SLC44A5: variants seen among roughly 807,000 people sequenced by gnomAD.
SLC44A5 encodes the protein solute carrier family 44 member 5.
SLC44A5 carries 57 observed loss-of-function variants against 101.8 expected under a neutral mutation model. That is an observed-to-expected ratio of 0.56 (90% CI 0.45 to 0.70). The LOEUF is 0.70. Ranked by LOEUF, SLC44A5 falls within the 30% of genes least tolerant of loss-of-function variation. SLC44A5 has a pLI of 0.00. For synonymous variants in SLC44A5, 281 were observed against 290.9 expected (o/e 0.97, Z 0.35); for missense variants, 737 against 853.1 (o/e 0.86, Z 1.70).
intron 4 of SLC44A5, among the ~76,000 whole-genome samples, chr1:75,334,548 G>C (rs765031841): frequency 6.6e-6 from 1 of 152,120 alleles, no homozygotes; most frequent in Non-Finnish European, 1.5e-5. Flanking sequence ...CAAGAATCTA[G>C]CACTATTGTG....
At chr1:75,309,280 T>C (rs1557648080) in intron 4 of SLC44A5, among the ~76,000 whole-genome samples, 1 of 152,262 alleles carries the variant, frequency 6.6e-6, no homozygotes, top group South Asian at 2.1e-4. Context: ...CTGGTCTCCA[T>C]AAAACATTTT....
At chr1:75,454,672 G>C (rs1239373538) in intron 2 of SLC44A5, among the ~76,000 whole-genome samples, 1 of 152,042 alleles carries the variant, frequency 6.6e-6, no homozygotes, top group African/African-American at 2.4e-5. Flanking sequence ...TCCTAGACCT[G>C]ATAAACAACT....
the SLC44A5 span, among the ~76,000 whole-genome samples, chr1:75,627,483 A>G: frequency 9.2e-5 from 14 of 152,184 alleles, no homozygotes; most frequent in African/African-American, 3.1e-4. Flanking sequence ...TTCAAGACCC[A>G]GCCTAGGCAA....
intron 5 of SLC44A5, among the ~76,000 whole-genome samples, chr1:75,280,112 TTGTG>T (rs71651208): frequency 1.5e-4 from 4 of 26,856 alleles, no homozygotes; most frequent in East Asian, 2.6e-3. Flanking sequence ...TAGTATTCCA[TTGTG>T]TGTGTGTGTG....
At chr1:75,611,365 A>G (rs547821128), upstream of SLC44A5, among the ~76,000 whole-genome samples, 1 of 152,280 alleles carries the variant, frequency 6.6e-6, no homozygotes, top group East Asian at 1.9e-4. Flanking sequence ...ATAATCTACT[A>G]TTATTTGTGT....
the SLC44A5 span, among the ~76,000 whole-genome samples, chr1:75,636,756 C>G: frequency 6.6e-6 from 1 of 151,980 alleles, no homozygotes; most frequent in Non-Finnish European, 1.5e-5. Flanking sequence ...AATGCTTTGA[C>G]AGTTTATGAG....
the SLC44A5 span, among the ~76,000 whole-genome samples, chr1:75,621,301 TG>T: frequency 1.3e-5 from 2 of 152,326 alleles, no homozygotes; most frequent in East Asian, 3.9e-4. Flanking sequence ...ATTAGTTACA[TG>T]TCGTATAATC....
chr1:75,241,518 C>T (rs1228680059), intron 9 of SLC44A5, among the ~76,000 whole-genome samples: 1 of 151,972 alleles, frequency 6.6e-6, no homozygotes, highest in Non-Finnish European at 1.5e-5. Flanking sequence ...CTATGCCTGG[C>T]CTCATTTTGT....
At chr1:75,310,302 TCCA>T (rs530852210) in intron 4 of SLC44A5, among the ~76,000 whole-genome samples, 59 of 152,302 alleles carry the variant, frequency 3.9e-4, no homozygotes, top group Non-Finnish European at 6.5e-4. Context: ...ATTTCATCCT[TCCA>T]CCCCTCTCAT....
chr1:75,327,432 T>C (rs1443718163), intron 4 of SLC44A5, among the ~76,000 whole-genome samples: 6 of 152,366 alleles, frequency 3.9e-5, no homozygotes, highest in African/African-American at 7.2e-5. Flanking sequence ...TTAAAAAATA[T>C]GCAGCTGTGA....
chr1:75,577,884 T>G (rs1314365159), intron 1 of SLC44A5, among the ~76,000 whole-genome samples: 3 of 152,166 alleles, frequency 2.0e-5, no homozygotes, highest in Non-Finnish European at 4.4e-5. Flanking sequence ...TTAGTTGTTG[T>G]TTACTCAGGA....
chr1:75,374,420 A>G (rs1660432349), intron 3 of SLC44A5, among the ~76,000 whole-genome samples: 1 of 152,136 alleles, frequency 6.6e-6, no homozygotes, highest in African/African-American at 2.4e-5. Flanking sequence ...CTTGGCACAG[A>G]CCACACCTAA....
chr1:75,415,318 T>A (rs1158793125), intron 2 of SLC44A5, among the ~76,000 whole-genome samples: 1 of 152,116 alleles, frequency 6.6e-6, no homozygotes, highest in Non-Finnish European at 1.5e-5. Context: ...ATCTGATGGG[T>A]TTAAAAATGG....
intron 3 of SLC44A5, among the ~76,000 whole-genome samples, chr1:75,386,491 C>A (rs1350742177): frequency 2.0e-5 from 3 of 152,120 alleles, no homozygotes; most frequent in African/African-American, 4.8e-5. Flanking sequence ...ACCTAGGAAT[C>A]CAACTTACAA....
chr1:75,433,894 C>T (rs1023822672), intron 2 of SLC44A5, among the ~76,000 whole-genome samples: 2 of 152,076 alleles, frequency 1.3e-5, no homozygotes, highest in Non-Finnish European at 2.9e-5. Flanking sequence ...TACATGGCAG[C>T]AGGCAAGACA....
chr1:75,248,532 T>C (rs147404093), intron 7 of SLC44A5, among the ~76,000 whole-genome samples: 229 of 152,124 alleles, frequency 1.5e-3, no homozygotes, highest in Non-Finnish European at 2.7e-3. Context: ...TTAACAGTTG[T>C]CTTCTGAATG....
At chr1:75,630,922 G>T in the SLC44A5 span, among the ~76,000 whole-genome samples, 1 of 151,348 alleles carries the variant, frequency 6.6e-6, no homozygotes, top group Non-Finnish European at 1.5e-5. Flanking sequence ...CCAACAGAAG[G>T]CATTAAGTCG....
intron 14 of SLC44A5, among the ~76,000 whole-genome samples, chr1:75,220,131 G>T (rs1248718285): frequency 1.3e-5 from 2 of 151,902 alleles, no homozygotes; most frequent in South Asian, 2.1e-4. Flanking sequence ...TCCTCCCTTT[G>T]GTTACTACTG....
intron 5 of SLC44A5, among the ~76,000 whole-genome samples, chr1:75,277,000 T>C (rs555830260): frequency 3.6e-4 from 55 of 152,306 alleles, no homozygotes; most frequent in African/African-American, 1.3e-3. Flanking sequence ...CATCTGCTAT[T>C]GTTTTCTTTC....
Sources: gnomAD v4.1 joint callset for allele counts (sites outside exome capture counted in the v4.1 genomes callset) on GRCh38, gnomAD v4.1.1 for gene constraint, MANE v1.5 for transcripts, NCBI Gene and HGNC (gene_info 2026-07-23, HGNC 2026-07-21) for gene names.